Variants in KIF13A observed in about 807,000 individuals in gnomAD.
KIF13A encodes the protein kinesin family member 13A, also known as kinesin-like protein KIF13A.
Under a neutral mutation model 212.2 loss-of-function variants are expected in KIF13A, and 79 were observed. The observed-to-expected ratio is 0.37, with a 90% CI of 0.31 to 0.45. The LOEUF (loss-of-function observed/expected upper bound fraction) is 0.45. KIF13A is among the 20% of genes least tolerant of loss of function. The probability of loss-of-function intolerance (pLI) is 1.00; values close to 1 mark genes in which losing one functional copy is unlikely to be tolerated. For missense variants in KIF13A, 1,901 were observed against 2,209.0 expected, an observed-to-expected ratio of 0.86 and a Z score of 2.79; for synonymous variants, 789 against 808.6, an observed-to-expected ratio of 0.98 and a Z score of 0.41.
In KIF13A at chr6:17,900,665, T is replaced by C. The variant is rs1219374574; in HGVS notation, c.147-2485A>G. On this transcript the variant is annotated intron_variant, in intron 2 of 38. Coordinates refer to ENST00000259711, the MANE Select transcript of KIF13A (RefSeq NM_022113.6). The surrounding 1 kb of genome is among the most constrained non-coding windows in gnomAD (Gnocchi z 4.6). ...GTGCATCATCACTGTACTTCATTCA[T>C]TGATACATCCTCTACTTCATTCACT... is the stretch of plus-strand genomic sequence containing the variant. Among the ~76,000 whole-genome samples, 3 of 152,246 alleles carry C rather than the reference T, an allele frequency of 2.0e-5. No individual in the cohort carries two copies. Among genetic ancestry groups the C allele is most frequent in the Non-Finnish European group, 2.9e-5 (2 of 68,042 alleles).
At chr6:17,801,413 G>C (rs1039641049) in intron 20 of KIF13A, among the ~76,000 whole-genome samples, 8 of 152,164 alleles carry the variant, frequency 5.3e-5, no homozygotes, top group Non-Finnish European at 1.0e-4. Flanking sequence ...GCTGTGGCAG[G>C]ACTGCTTGAA....
At chr6:17,790,117 C>T (rs945076214) in intron 25 of KIF13A, among the ~76,000 whole-genome samples, 1 of 152,138 alleles carries the variant, frequency 6.6e-6, no homozygotes. Flanking sequence ...GTCATTGAAA[C>T]ATAAAAACTT....
chr6:17,931,058 C>CA (rs1431894905), intron 2 of KIF13A, among the ~76,000 whole-genome samples: 1 of 152,188 alleles, frequency 6.6e-6, no homozygotes, highest in Admixed American at 6.5e-5. Context: ...GAAAACACCA[C>CA]ATTCTTAAGG....
intron 2 of KIF13A, among the ~76,000 whole-genome samples, chr6:17,917,235 C>CTTTTTTTTTTTTTTTTT (rs71002284): frequency 1.3e-5 from 1 of 79,098 alleles, no homozygotes; most frequent in Non-Finnish European, 2.3e-5. Flanking sequence ...TTACACGATT[C>CTTTTTTTTTTTTTTTTT]TTTTTTTTTT....
At chr6:17,938,563 CAT>C (rs936629324) in intron 2 of KIF13A, among the ~76,000 whole-genome samples, 2 of 152,146 alleles carry the variant, frequency 1.3e-5, no homozygotes, top group African/African-American at 4.8e-5. Flanking sequence ...AGCCTGGAAA[CAT>C]ATGCTTATGA....
chr6:17,950,010 T>C (rs562471649), intron 2 of KIF13A, among the ~76,000 whole-genome samples: 2 of 152,284 alleles, frequency 1.3e-5, no homozygotes, highest in South Asian at 4.1e-4. Flanking sequence ...AGACTTGTAC[T>C]GGGACAATTA....
At chr6:17,966,441 G>T (rs1446164547) in intron 2 of KIF13A, among the ~76,000 whole-genome samples, 13 of 127,658 alleles carry the variant, frequency 1.0e-4, no homozygotes, top group African/African-American at 3.4e-4. Context: ...TCAAGACTCT[G>T]AATTTTTTTT....
intron 16 of KIF13A, among the ~76,000 whole-genome samples, chr6:17,822,957 A>C (rs1581423537): frequency 6.6e-6 from 1 of 151,668 alleles, no homozygotes; most frequent in Middle Eastern, 3.4e-3. Context: ...TTAACACTCT[A>C]CTCTTACTGT....
chr6:17,890,702 G>A (rs1384549938), intron 3 of KIF13A, among the ~76,000 whole-genome samples: 1 of 150,344 alleles, frequency 6.7e-6, no homozygotes, highest in Non-Finnish European at 1.5e-5. Flanking sequence ...TCATACCTCA[G>A]TGAAGCCACA....
chr6:17,871,983 C>T lies in KIF13A; in HGVS notation c.220+1394G>A, dbSNP rs1053835998. On this transcript the variant is annotated intron_variant, in intron 4 of 38. Coordinates refer to ENST00000259711, the MANE Select transcript of KIF13A (RefSeq NM_022113.6). The surrounding 1 kb of genome is among the most constrained non-coding windows in gnomAD (Gnocchi z 4.4). ...AGAGTGCTAACAAGTCAAGACTGTT[C>T]CAGACTCTGAAGAACTTATTACATA... Among the ~76,000 whole-genome samples the T allele has an allele frequency of 2.6e-5, 4 of 152,140 alleles. No individual in the cohort carries two copies. The highest frequency in any genetic ancestry group is 9.7e-5 in the African/African-American group (4 of 41,424).
At position 17,794,659 on chromosome 6, in the gene KIF13A, T is replaced by C; in HGVS notation, c.2988A>G (p.Leu996=). 6.2e-7 allele frequency: 1 copy of C among 1,612,536 alleles called. No individual in the cohort carries two copies. The highest frequency in any genetic ancestry group is 1.1e-5 in the South Asian group (1 of 90,752). ...TRRIEMWISI[L]ELNELGEYAA... The stretch of plus-strand genomic sequence containing the variant: ...CATACTCTCCTAACTCATTCAATTC[T>C]AATATGGAGATCCACATTTCTATTC... The change falls in exon 24 of 39, where the codon TTA becomes TTG. Residue 996 remains leucine, a synonymous_variant. Coordinates refer to ENST00000259711, the MANE Select transcript of KIF13A (RefSeq NM_022113.6). The surrounding 1 kb of genome is among the most constrained non-coding windows in gnomAD (Gnocchi z 4.1).
rs192463412 is a variant in KIF13A at position 17,883,017 on chromosome 6, G to T, written c.160-9580C>A. Among the ~76,000 whole-genome samples the T allele has an allele frequency of 1.3e-5, 2 of 152,038 alleles. No individual in the cohort carries two copies. Among genetic ancestry groups the T allele is most frequent in the African/African-American group, 2.4e-5 (1 of 41,372 alleles). On this transcript the variant is annotated intron_variant, in intron 3 of 38. Transcript: ENST00000259711. The surrounding 1 kb of genome is among the most constrained non-coding windows in gnomAD (Gnocchi z 4.8). ...ATTAATTCTTAGAGGATAAAGCCTT[G>T]GTTTCCCTAATCTTTTCATTACCAA...
At chr6:17,797,657 A>G (rs1434284996) in intron 22 of KIF13A, among the ~76,000 whole-genome samples, 1 of 152,160 alleles carries the variant, frequency 6.6e-6, no homozygotes, top group African/African-American at 2.4e-5. Context: ...GCACTTCGGG[A>G]GGCCAAGGCA....
At chr6:17,813,379 C>T (rs574766780) in intron 17 of KIF13A, among the ~76,000 whole-genome samples, 1 of 152,168 alleles carries the variant, frequency 6.6e-6, no homozygotes, top group East Asian at 1.9e-4. Context: ...ACTTGGGAGG[C>T]AGAGGTAGGA....
rs554544272 is a variant in KIF13A at position 17,872,789 on chromosome 6, C to T, written c.220+588G>A. 6.6e-6 allele frequency among the ~76,000 whole-genome samples: 1 copy of T among 152,252 alleles called. No individual in the cohort carries two copies. Among genetic ancestry groups the T allele is most frequent in the South Asian group, 2.1e-4 (1 of 4,816 alleles). On this transcript the variant is annotated intron_variant, in intron 4 of 38. Transcript: ENST00000259711. The surrounding 1 kb of genome is among the most constrained non-coding windows in gnomAD (Gnocchi z 4.7). ...TAGCTGGGATTACAGGCGCCCACCA[C>T]CACACCTGAATAAGTTTTGTATGTT...
intron 2 of KIF13A, among the ~76,000 whole-genome samples, chr6:17,962,346 G>A (rs566573225): frequency 2.6e-5 from 4 of 152,118 alleles, no homozygotes; most frequent in African/African-American, 9.6e-5. Flanking sequence ...GTAATAAATT[G>A]AAGAACAGGC....
intron 20 of KIF13A, among the ~76,000 whole-genome samples, chr6:17,803,031 T>G (rs1380365250): frequency 1.3e-5 from 2 of 151,692 alleles, no homozygotes; most frequent in African/African-American, 2.4e-5. Context: ...CCTCCCGGGT[T>G]CAAGCGATTC....
rs985117719 is a variant in KIF13A at position 17,773,373 on chromosome 6, A to G, written c.4324+105T>C. The G allele has an allele frequency of 3.4e-6, 2 of 594,400 alleles. No homozygotes were observed. The highest frequency in any genetic ancestry group is 2.4e-5 in the South Asian group (1 of 41,496). The allele number at this position is 594,400 out of a possible 1,614,324, so 36.8% of individuals were successfully genotyped here. On this transcript the variant is annotated intron_variant, in intron 36 of 38. Coordinates refer to ENST00000259711, the MANE Select transcript of KIF13A (RefSeq NM_022113.6). This position sits in a 1 kb window ranked among gnomAD's most constrained non-coding sequence, Gnocchi z 4.2. Reference sequence around the variant, plus strand: ...GTTTTGTATCATCTAGTTAACTAGAATATCAGCTTCATATCTTATTATATG... The same window carrying G: ...GTTTTGTATCATCTAGTTAACTAGAGTATCAGCTTCATATCTTATTATATG...
At chr6:17,894,161 A>AG (rs1491500173) in intron 3 of KIF13A, among the ~76,000 whole-genome samples, 1 of 131,822 alleles carries the variant, frequency 7.6e-6, no homozygotes, top group Non-Finnish European at 1.6e-5. Context: ...TTTTTGAGAC[A>AG]GGGTTCTGTC....
Sources: gnomAD v4.1 joint callset for allele counts (sites outside exome capture counted in the v4.1 genomes callset) on GRCh38, gnomAD v4.1.1 for gene constraint, Gnocchi (gnomAD v3.1) non-coding constraint, MANE v1.5 for transcripts, NCBI Gene and HGNC (gene_info 2026-07-23, HGNC 2026-07-21) for gene names.